The following ASTN2 variants were observed in gnomAD, a reference collection of about 807,000 sequenced individuals.
ASTN2 encodes the protein astrotactin-2.
In ASTN2, 54 loss-of-function variants were observed where a neutral mutation model predicts 139.8. The ratio of observed to expected loss-of-function variants is 0.39; its 90% CI spans 0.31 to 0.48. The LOEUF is 0.48. Ranked by LOEUF, ASTN2 falls within the 20% of genes least tolerant of loss-of-function variation. The pLI is 0.95. For synonymous variants in ASTN2, 756 were observed against 719.5 expected (o/e 1.05, Z -0.81); for missense variants, 1,565 against 1,725.1 (o/e 0.91, Z 1.64).
intron 1 of ASTN2, among the ~76,000 whole-genome samples, chr9:117,377,997 A>T (rs970918390): frequency 6.6e-6 from 1 of 152,206 alleles, no homozygotes; most frequent in Non-Finnish European, 1.5e-5. Flanking sequence ...TAGGAAAGTG[A>T]GAAAGGGGAT....
At position 117,060,550 on chromosome 9, in the gene ASTN2, G is replaced by T. The variant is rs868054033; in HGVS notation, c.1277-20585C>A. ...GGAAGGAAGGAAAGAAAGAAAGAAA[G>T]AAAAAGAAAGAAAGAGGGAGGGAGG... On this transcript the variant is annotated intron_variant, in intron 5 of 22. Transcript: ENST00000313400. 1.5e-5 allele frequency among the ~76,000 whole-genome samples: 2 copies of T among 135,526 alleles called. 1 individual carries two copies. Among genetic ancestry groups the T allele is most frequent in the South Asian group, 5.2e-4 (2 of 3,822 alleles). 88.9% of individuals were successfully genotyped at this position (135,526 alleles called of 152,430 possible).
intron 10 of ASTN2, among the ~76,000 whole-genome samples, chr9:116,944,835 G>T (rs1487967536): frequency 2.6e-5 from 4 of 152,090 alleles, no homozygotes; most frequent in African/African-American, 2.4e-5. Context: ...TGAGGAACTG[G>T]ATTACATCAG....
intron 1 of ASTN2, among the ~76,000 whole-genome samples, chr9:117,385,023 C>T (rs1011410873): frequency 1.3e-5 from 2 of 152,124 alleles, no homozygotes; most frequent in African/African-American, 4.8e-5. Flanking sequence ...TTCCAGTGTA[C>T]TGAGTACCCA....
At chr9:117,393,936 A>G (rs1213449889) in intron 1 of ASTN2, among the ~76,000 whole-genome samples, 1 of 152,172 alleles carries the variant, frequency 6.6e-6, no homozygotes, top group Non-Finnish European at 1.5e-5. Flanking sequence ...CAGAATTCCT[A>G]CTGGTAAGTG....
At position 116,728,990 on chromosome 9, in the gene ASTN2, A is replaced by C. The variant is rs1828706121; in HGVS notation, c.2626+2T>G. On this transcript the variant is annotated splice_donor_variant, in intron 15 of 22. Transcript: ENST00000313400. LOFTEE classifies it high-confidence loss of function. ...CCTGGCTGCCCAGGCAGTGGTCCTC[A>C]CCTGCTGCGAGGGTGATGGTGCTGA... 1 of 1,578,442 alleles carries C rather than the reference A, an allele frequency of 6.3e-7. No homozygotes were observed. The highest frequency in any genetic ancestry group is 8.6e-7 in the Non-Finnish European group (1 of 1,161,006).
At chr9:116,599,958 T>C (rs1854787857) in intron 19 of ASTN2, among the ~76,000 whole-genome samples, 2 of 152,152 alleles carry the variant, frequency 1.3e-5, no homozygotes, top group South Asian at 2.1e-4. Context: ...CCTAGTCCTA[T>C]AGCCTGGATC....
chr9:116,672,498 A>G (rs1564196008), intron 16 of ASTN2, among the ~76,000 whole-genome samples: 2 of 152,214 alleles, frequency 1.3e-5, no homozygotes, highest in African/African-American at 4.8e-5. Context: ...CCAATGAGAG[A>G]AGAAAATGAG....
Position 116,990,303 on chromosome 9 carries a change from T to C in ASTN2, c.1592-13518A>G, listed in dbSNP as rs187176253. ...TTGCTTTTAAGACAAAGTCTCGCTC[T>C]GTCACCCAGGCTGGAATGCAGTTGC... is the stretch of plus-strand genomic sequence containing the variant. On this transcript the variant is annotated intron_variant, in intron 7 of 22. Transcript: ENST00000313400. Among the ~76,000 whole-genome samples the C allele has an allele frequency of 5.3e-5, 8 of 152,334 alleles. No individual in the cohort carries two copies. The East Asian group carries it at 1.3e-3, about 26-fold the overall frequency.
intron 19 of ASTN2, among the ~76,000 whole-genome samples, chr9:116,488,124 G>A (rs1162850803): frequency 6.6e-6 from 1 of 152,168 alleles, no homozygotes; most frequent in Non-Finnish European, 1.5e-5. Flanking sequence ...ACCATGTACA[G>A]GATGGAACAA....
chr9:116,576,501 G>C (rs1483673313), intron 19 of ASTN2, among the ~76,000 whole-genome samples: 1 of 152,156 alleles, frequency 6.6e-6, no homozygotes, highest in Non-Finnish European at 1.5e-5. Context: ...GCCCCCATGG[G>C]AGGCCAGGGT....
At chr9:117,171,271 A>AG (rs1184149587) in intron 3 of ASTN2, among the ~76,000 whole-genome samples, 2 of 152,218 alleles carry the variant, frequency 1.3e-5, no homozygotes. Flanking sequence ...CACAGAGTAC[A>AG]GGTACAGGGT....
chr9:116,463,689 C>G (rs146432664), intron 20 of ASTN2, among the ~76,000 whole-genome samples: 174 of 152,292 alleles, frequency 1.1e-3, no homozygotes, highest in Non-Finnish European at 1.8e-3. Context: ...GCTCCCTCTC[C>G]TGTGCTTTTC....
At chr9:116,756,546 C>T (rs534305715) in intron 13 of ASTN2, among the ~76,000 whole-genome samples, 1 of 152,138 alleles carries the variant, frequency 6.6e-6, no homozygotes, top group South Asian at 2.1e-4. Flanking sequence ...TTCCCAAAGC[C>T]ACAGAGAGAA....
intron 20 of ASTN2, among the ~76,000 whole-genome samples, chr9:116,457,125 G>A (rs1017113679): frequency 1.3e-5 from 2 of 152,132 alleles, no homozygotes; most frequent in Non-Finnish European, 2.9e-5. Context: ...TCAGTAAATG[G>A]TGCTGAGAAA....
chr9:117,364,617 G>A (rs999701569), intron 1 of ASTN2, among the ~76,000 whole-genome samples: 3 of 152,086 alleles, frequency 2.0e-5, no homozygotes, highest in African/African-American at 7.2e-5. Flanking sequence ...TGGCATAGGA[G>A]GCAAGTGAGG....
intron 16 of ASTN2, among the ~76,000 whole-genome samples, chr9:116,685,505 T>C (rs1268270583): frequency 1.3e-5 from 2 of 152,186 alleles, no homozygotes; most frequent in Admixed American, 1.3e-4. Flanking sequence ...TCCACTGATA[T>C]AGGTGATTTA....
chr9:117,352,329 C>A (rs1261155808), intron 1 of ASTN2, among the ~76,000 whole-genome samples: 1 of 152,314 alleles, frequency 6.6e-6, no homozygotes, highest in East Asian at 1.9e-4. Flanking sequence ...TAATGAGGAA[C>A]ATGGGCCACC....
chr9:117,301,074 A>C (rs557025797), intron 1 of ASTN2, among the ~76,000 whole-genome samples: 2 of 152,306 alleles, frequency 1.3e-5, no homozygotes, highest in East Asian at 3.9e-4. Flanking sequence ...AAGGGAGAAA[A>C]GCATATCGTT....
intron 10 of ASTN2, among the ~76,000 whole-genome samples, chr9:116,927,513 A>G (rs1240944841): frequency 2.0e-5 from 3 of 152,346 alleles, no homozygotes; most frequent in East Asian, 1.9e-4. Context: ...CAACACATGC[A>G]TAAGTATTCA....
Sources: allele counts gnomAD v4.1 joint callset (sites outside exome capture counted in the v4.1 genomes callset), GRCh38; gene constraint gnomAD v4.1.1; transcripts MANE v1.5; gene names NCBI Gene and HGNC (gene_info 2026-07-23, HGNC 2026-07-21).